The following MCOLN2 variants were observed in gnomAD, a reference collection of about 807,000 sequenced individuals.
MCOLN2 encodes mucolipin-2.
A neutral mutation model predicts 67.5 loss-of-function variants in MCOLN2; 57 were observed. The ratio of observed to expected loss-of-function variants is 0.84; its 90% CI spans 0.68 to 1.05. The LOEUF (loss-of-function observed/expected upper bound fraction) is 1.05. Among genes scored for constraint, MCOLN2 ranks in the 50% least tolerant of loss-of-function variants. MCOLN2 has a pLI of 0.00. For missense variants in MCOLN2, 620 were observed against 678.8 expected, an observed-to-expected ratio of 0.91 and a Z score of 0.96; for synonymous variants, 246 against 233.3, an observed-to-expected ratio of 1.05 and a Z score of -0.50.
In MCOLN2 at chr1:84,985,745, A is replaced by G. The variant is rs148900927; in HGVS notation, c.77+11051T>C. Among the ~76,000 whole-genome samples, 45 of 152,346 alleles carry G rather than the reference A, an allele frequency of 3.0e-4. 1 individual carries two copies. In the East Asian group the frequency reaches 6.9e-3, roughly 23 times the overall value. On this transcript the variant is annotated intron_variant, in intron 1 of 13. Coordinates refer to ENST00000370608, the MANE Select transcript of MCOLN2 (RefSeq NM_153259.4). ...GAATACACTTAACCAAGGAGGTGAA[A>G]GACCTCTACAAGGAAACCTACCAAA...
intron 6 of MCOLN2, among the ~76,000 whole-genome samples, chr1:84,951,262 A>C (rs1204673758): frequency 1.3e-5 from 2 of 152,376 alleles, no homozygotes; most frequent in Non-Finnish European, 2.9e-5. Flanking sequence ...GGACTCATTA[A>C]GTATTTATTG....
chr1:84,988,074 T>A (rs1466062955), intron 1 of MCOLN2, among the ~76,000 whole-genome samples: 2 of 152,170 alleles, frequency 1.3e-5, no homozygotes, highest in African/African-American at 4.8e-5. Context: ...ATAATTTTTT[T>A]AAAAGAAATG....
intron 1 of MCOLN2, among the ~76,000 whole-genome samples, chr1:84,990,315 AAAAAAAAAAAAAT>A (rs1165672419): frequency 6.7e-6 from 1 of 148,752 alleles, no homozygotes; most frequent in African/African-American, 2.5e-5. Context: ...AAAAAAAAAA[AAAAAAAAAAAAAT>A]ACCTAATGCT....
rs1650951791 is a variant in MCOLN2 at position 84,992,751 on chromosome 1, C to CT, written c.77+4044dup. ...TATTAAGTCTGCAATAGCATTATGT[C>CT]TAAAAAAACCACCTTAATTTAAAAG... On this transcript the variant is annotated intron_variant, in intron 1 of 13. Transcript: ENST00000370608. 2.0e-4 allele frequency among the ~76,000 whole-genome samples: 4 copies of CT among 20,028 alleles called. No homozygotes were observed. In the South Asian group the frequency reaches 8.6e-3, roughly 43 times the overall value. 13.1% of individuals were successfully genotyped at this position (20,028 alleles called of 152,430 possible).
At position 84,958,622 on chromosome 1, in the gene MCOLN2, C is replaced by T. The variant is rs1281250305; in HGVS notation, c.318G>A (p.Leu106=). The T allele has an allele frequency of 6.2e-7, 1 of 1,611,480 alleles. No homozygotes were observed. The highest frequency in any genetic ancestry group is 1.7e-5 in the Admixed American group (1 of 59,088). ...DNTVAFKHLF[L]KGYSGTDEDD... Reference sequence around the variant, plus strand: ...CTTCATCTGTACCAGAATATCCTTTCAAAAACAAGTGCTTAAAAGCAACAG... The same window carrying T: ...CTTCATCTGTACCAGAATATCCTTTTAAAAACAAGTGCTTAAAAGCAACAG... The change falls in exon 3 of 14, where the codon TTG becomes TTA. Residue 106 remains leucine (L), a synonymous_variant. Transcript: ENST00000370608.
In MCOLN2 at chr1:84,952,532, T is replaced by C. The variant is rs763326378; in HGVS notation, c.566-2A>G. The C allele has an allele frequency of 5.0e-6, 8 of 1,598,664 alleles. No homozygotes were observed. The highest frequency in any genetic ancestry group is 1.7e-5 in the Admixed American group (1 of 60,000). Reference sequence around the variant, plus strand: ...CCTGAAGGTCTAATTGAACACAATCTAGGGCAATGAAAGAACAAGAAATGG... The same window carrying C: ...CCTGAAGGTCTAATTGAACACAATCCAGGGCAATGAAAGAACAAGAAATGG... On this transcript the variant is annotated splice_acceptor_variant, in intron 4 of 13. Coordinates refer to ENST00000370608, the MANE Select transcript of MCOLN2 (RefSeq NM_153259.4). LOFTEE classifies it high-confidence loss of function.
intron 1 of MCOLN2, among the ~76,000 whole-genome samples, chr1:84,966,370 A>T (rs572134934): frequency 6.6e-6 from 1 of 152,318 alleles, no homozygotes; most frequent in Non-Finnish European, 1.5e-5. Flanking sequence ...TAGAGCATTC[A>T]TCTGTCACTA....
At chr1:84,972,787 C>T (rs537869138) in intron 1 of MCOLN2, among the ~76,000 whole-genome samples, 11 of 152,270 alleles carry the variant, frequency 7.2e-5, no homozygotes, top group African/African-American at 2.4e-4. Flanking sequence ...TGAAACAAAA[C>T]AAGATGTCAG....
intron 1 of MCOLN2, among the ~76,000 whole-genome samples, chr1:84,989,016 T>A (rs1408977857): frequency 6.6e-6 from 1 of 152,230 alleles, no homozygotes; most frequent in Non-Finnish European, 1.5e-5. Context: ...ACTCTATTAA[T>A]GTGGCCTTCC....
chr1:84,956,635 A>T, intron 3 of MCOLN2, 51 bp from the exon 4 acceptor site: 5 of 1,448,212 alleles, frequency 3.5e-6, no homozygotes, highest in Non-Finnish European at 3.7e-6. Context: ...TATAACTTTG[A>T]TCAGAGGTTA....
chr1:84,977,270 A>C (rs1650033864), intron 1 of MCOLN2, among the ~76,000 whole-genome samples: 1 of 152,200 alleles, frequency 6.6e-6, no homozygotes, highest in Non-Finnish European at 1.5e-5. Flanking sequence ...GTAGAGCAAG[A>C]AACTAAATCA....
intron 1 of MCOLN2, among the ~76,000 whole-genome samples, chr1:84,994,466 TCTTCCAACTAA>T (rs1243037195): frequency 2.0e-5 from 3 of 152,246 alleles, no homozygotes; most frequent in Non-Finnish European, 2.9e-5. Context: ...CTTAGCTACA[TCTTCCAACTAA>T]CTTGCTGCAG....
intron 1 of MCOLN2, among the ~76,000 whole-genome samples, chr1:84,987,601 G>C (rs12729414): frequency 1.3e-5 from 1 of 75,890 alleles, no homozygotes; most frequent in African/African-American, 5.0e-5. Context: ...TATGTATATA[G>C]ATGTATATCA....
chr1:84,937,802 C>G lies in MCOLN2; in HGVS notation c.1288G>C (p.Gly430Arg), dbSNP rs905208238. 6.2e-7 allele frequency: 1 copy of G among 1,614,088 alleles called. No individual in the cohort carries two copies. Among genetic ancestry groups the G allele is most frequent in the African/African-American group, 1.3e-5 (1 of 75,002 alleles). The change falls in exon 11 of 14, where the codon GGT becomes CGT. Residue 430 changes from glycine to arginine, a missense_variant. By Grantham distance (125) the Gly-to-Arg change is moderately radical (BLOSUM62 -2). Transcript: ENST00000370608. ...FCACAGMIYL[G>R]YTFCGWIVLG... The stretch of plus-strand genomic sequence containing the variant: ...ACAATCCAGCCACAGAATGTGTAAC[C>G]CAGATAAATCATACCAGCACAAGCA...
At chr1:84,963,247 T>G (rs953713319) in intron 2 of MCOLN2, among the ~76,000 whole-genome samples, 1 of 152,180 alleles carries the variant, frequency 6.6e-6, no homozygotes, top group African/African-American at 2.4e-5. Flanking sequence ...ACATAAAACA[T>G]TTATTGTGCC....
At chr1:84,939,472 C>G in intron 9 of MCOLN2, 81 bp downstream of exon 9, 1 of 1,406,022 alleles carries the variant, frequency 7.1e-7, no homozygotes, top group South Asian at 1.3e-5. Context: ...AAAGTGGTCT[C>G]CAAAGGATGG....
Position 84,926,680 on chromosome 1 carries a change from G to A in MCOLN2, c.*5C>T, listed in dbSNP as rs1661174923. On this transcript the variant is annotated 3_prime_UTR_variant, in exon 14 of 14. Transcript: ENST00000370608. ...GCCTGAACTTTAATCATCTTTAGCA[G>A]AACTTTAGCTAATAGGTATCAAGTG... is the stretch of plus-strand genomic sequence containing the variant. 1 of 1,589,438 alleles carries A rather than the reference G, an allele frequency of 6.3e-7. No individual in the cohort carries two copies. The highest frequency in any genetic ancestry group is 8.6e-7 in the Non-Finnish European group (1 of 1,164,590).
At position 84,940,937 on chromosome 1, in the gene MCOLN2, C is replaced by G. The variant is rs773166239; in HGVS notation, c.902G>C (p.Cys301Ser). The G allele has an allele frequency of 6.2e-7, 1 of 1,613,746 alleles. No individual in the cohort carries two copies. The highest frequency in any genetic ancestry group is 1.1e-5 in the South Asian group (1 of 91,008). Residue 301 changes from cysteine to serine, a missense_variant, in exon 8 of 14, where the codon TGC (cysteine) becomes TCC (serine). Transcript: ENST00000370608. ...TGTACACAGAATAAGAGATGCCAAG[C>G]AAATCACAATGACAAATGCATCAAA... ...LVFDAFVIVI[C>S]LASLILCTRS...
intron 9 of MCOLN2, among the ~76,000 whole-genome samples, chr1:84,939,036 G>A (rs908468123): frequency 1.3e-5 from 2 of 152,202 alleles, no homozygotes; most frequent in African/African-American, 4.8e-5. Context: ...AGGGTTAGGA[G>A]GTGTGGCTGG....
Sources: gnomAD v4.1 joint callset for allele counts (sites outside exome capture counted in the v4.1 genomes callset) on GRCh38, gnomAD v4.1.1 for gene constraint, MANE v1.5 for transcripts, NCBI Gene and HGNC (gene_info 2026-07-23, HGNC 2026-07-21) for gene names.